The following PKNOX2 variants were observed in gnomAD, a reference collection of about 807,000 sequenced individuals.
PKNOX2 encodes the protein PBX/knotted 1 homeobox 2.
PKNOX2 carries 14 observed loss-of-function variants against 53.1 expected under a neutral mutation model. The observed-to-expected ratio is 0.26, with a 90% CI of 0.17 to 0.41. The LOEUF (loss-of-function observed/expected upper bound fraction) is 0.41, where lower values mean the gene tolerates loss of function less well. Ranked by LOEUF, PKNOX2 falls within the 10% of genes least tolerant of loss-of-function variation. PKNOX2 has a pLI of 1.00. For synonymous variants in PKNOX2, 257 were observed against 242.8 expected (o/e 1.06, Z -0.54); for missense variants, 496 against 602.8 (o/e 0.82, Z 1.85).
intron 6 of PKNOX2, among the ~76,000 whole-genome samples, chr11:125,394,156 C>T (rs1021996531): frequency 6.6e-6 from 1 of 152,172 alleles, no homozygotes; most frequent in African/African-American, 2.4e-5. Context: ...TCCAGCAACG[C>T]ATATGTGTTA....
Position 125,431,197 on chromosome 11 carries a change from G to T in PKNOX2, c.1224G>T (p.Leu408=). Residue 408 remains leucine (L), a synonymous_variant, in exon 13 of 13, where the codon CTG becomes CTT. Transcript: ENST00000298282. ...TCAACTTGGACAACCTGCAGTCCCT[G>T]TCCTCAGACAGTGCCACCATGGCCA... ...GSINLDNLQS[L]SSDSATMAMQ... is the part of the protein sequence containing the mutation. 2 of 1,613,776 alleles carry T rather than the reference G, an allele frequency of 1.2e-6. No individual in the cohort carries two copies. Among genetic ancestry groups the T allele is most frequent in the Non-Finnish European group, 1.7e-6 (2 of 1,179,868 alleles).
At chr11:125,193,300 C>T (rs753482343) in intron 1 of PKNOX2, among the ~76,000 whole-genome samples, 4 of 152,178 alleles carry the variant, frequency 2.6e-5, no homozygotes, top group Admixed American at 6.5e-5. Context: ...AGTGTATCTG[C>T]GCGGCAGAAA....
intron 2 of PKNOX2, among the ~76,000 whole-genome samples, chr11:125,292,756 T>C (rs1025888318): frequency 6.6e-6 from 1 of 152,208 alleles, no homozygotes; most frequent in Non-Finnish European, 1.5e-5. Context: ...GAGAGAAGGC[T>C]GAGGTTTCCC....
intron 1 of PKNOX2, among the ~76,000 whole-genome samples, chr11:125,221,250 A>G (rs781487209): frequency 6.6e-6 from 1 of 152,174 alleles, no homozygotes; most frequent in African/African-American, 2.4e-5. Context: ...GGGGCATCCC[A>G]GGAGATAGTG....
chr11:125,298,991 T>G (rs754997303), intron 2 of PKNOX2, among the ~76,000 whole-genome samples: 9 of 151,270 alleles, frequency 5.9e-5, no homozygotes, highest in Non-Finnish European at 1.0e-4. Context: ...AAGAAAGAGG[T>G]GTATTTGGCT....
At chr11:125,313,994 C>T in intron 2 of PKNOX2, among the ~76,000 whole-genome samples, 1 of 152,190 alleles carries the variant, frequency 6.6e-6, no homozygotes, top group East Asian at 1.9e-4. Context: ...GCCAGGCACA[C>T]AAGTGACCCC....
chr11:125,385,964 G>A (rs992058932), intron 6 of PKNOX2, among the ~76,000 whole-genome samples: 1 of 152,204 alleles, frequency 6.6e-6, no homozygotes, highest in Non-Finnish European at 1.5e-5. Flanking sequence ...GGTGGCACTA[G>A]CATCTTAGCA....
intron 1 of PKNOX2, among the ~76,000 whole-genome samples, chr11:125,228,568 C>A (rs1450219132): frequency 6.6e-6 from 1 of 152,164 alleles, no homozygotes; most frequent in Admixed American, 6.5e-5. Flanking sequence ...GCTGTATGGT[C>A]CATGTCAGTA....
chr11:125,427,213 C>A (rs1450737952), intron 10 of PKNOX2, among the ~76,000 whole-genome samples: 2 of 152,228 alleles, frequency 1.3e-5, no homozygotes, highest in Non-Finnish European at 2.9e-5. Flanking sequence ...GGGCCATCTG[C>A]ACCCTCTCCT....
rs760363396 is a variant in PKNOX2, at chr11:125,429,693, C to T, written c.1014-270C>T. Among the ~76,000 whole-genome samples, 7 of 152,318 alleles carry T rather than the reference C, an allele frequency of 4.6e-5. No individual in the cohort carries two copies. In the South Asian group the frequency reaches 8.3e-4, roughly 18 times the overall value. ...GGTTAGTGCCTATGACTACCATGCT[C>T]TCCTCCTCCGTTCAACCTGGAAGGT... is the stretch of plus-strand genomic sequence containing the variant. On this transcript the variant is annotated intron_variant, in intron 11 of 12. Transcript: ENST00000298282.
intron 2 of PKNOX2, among the ~76,000 whole-genome samples, chr11:125,267,458 G>A (rs530944896): frequency 1.6e-4 from 24 of 152,316 alleles, no homozygotes; most frequent in Non-Finnish European, 2.1e-4. Context: ...CTTTCAGTAA[G>A]AGGCTGTGGA....
chr11:125,285,807 T>C (rs1332838609), intron 2 of PKNOX2, among the ~76,000 whole-genome samples: 1 of 152,216 alleles, frequency 6.6e-6, no homozygotes, highest in East Asian at 1.9e-4. Flanking sequence ...AAAACACAGG[T>C]AATAAATACT....
At chr11:125,299,227 C>A (rs1947866277) in intron 2 of PKNOX2, among the ~76,000 whole-genome samples, 1 of 152,188 alleles carries the variant, frequency 6.6e-6, no homozygotes, top group Non-Finnish European at 1.5e-5. Flanking sequence ...GAGCACCAAG[C>A]CGTTCATGAG....
At position 125,410,958 on chromosome 11, in the gene PKNOX2, C is replaced by T. The variant is rs899063215; in HGVS notation, c.816+82C>T. The T allele has an allele frequency of 3.5e-6, 4 of 1,130,968 alleles. No individual in the cohort carries two copies. The East Asian group carries it at 9.8e-5, about 28-fold the overall frequency. 70.1% of individuals were successfully genotyped at this position (1,130,968 alleles called of 1,614,324 possible). On this transcript the variant is annotated intron_variant, in intron 9 of 12. Coordinates refer to ENST00000298282, the MANE Select transcript of PKNOX2 (RefSeq NM_001382323.2). ...CGCTTCTTATCTGCCAGGCACTTTA[C>T]ACGGGTGACTCATTGAATCCTCATC...
intron 2 of PKNOX2, among the ~76,000 whole-genome samples, chr11:125,250,256 T>C (rs11219989): frequency 0.24 from 35,873 of 151,804 alleles, 5,397 homozygotes; most frequent in Non-Finnish European, 0.33. Context: ...AAGTTACGTA[T>C]ATTTCTTTTT....
intron 2 of PKNOX2, among the ~76,000 whole-genome samples, chr11:125,299,578 A>G (rs752853761): frequency 6.6e-6 from 1 of 152,184 alleles, no homozygotes; most frequent in Non-Finnish European, 1.5e-5. Context: ...ACAATCCATT[A>G]GCATCTCTGA....
intron 1 of PKNOX2, among the ~76,000 whole-genome samples, chr11:125,174,628 G>T (rs1955569880): frequency 6.6e-6 from 1 of 152,318 alleles, no homozygotes; most frequent in South Asian, 2.1e-4. Context: ...CTGTAGGCAG[G>T]TGAGTGGGTG....
intron 1 of PKNOX2, among the ~76,000 whole-genome samples, chr11:125,221,462 C>T (rs532304030): frequency 3.3e-5 from 5 of 152,316 alleles, no homozygotes; most frequent in South Asian, 4.1e-4. Flanking sequence ...GCTCCAGGCC[C>T]GTCTGCAGAG....
chr11:125,410,494 C>A, intron 8 of PKNOX2, 169 bp downstream of exon 8: 1 of 977,242 alleles, frequency 1.0e-6, no homozygotes, highest in African/African-American at 1.6e-5. Context: ...CGCCAAGACC[C>A]AATTGTGATG....
Sources: gnomAD v4.1 joint callset for allele counts (sites outside exome capture counted in the v4.1 genomes callset) on GRCh38, gnomAD v4.1.1 for gene constraint, MANE v1.5 for transcripts, NCBI Gene and HGNC (gene_info 2026-07-23, HGNC 2026-07-21) for gene names.